Variants in DOCK5 observed in about 807,000 individuals in gnomAD.
DOCK5 encodes the protein dedicator of cytokinesis 5, also known as dedicator of cytokinesis protein 5.
A neutral mutation model predicts 251.8 loss-of-function variants in DOCK5; 142 were observed. The ratio of observed to expected loss-of-function variants is 0.56; its 90% CI spans 0.49 to 0.65. DOCK5 has a LOEUF of 0.65. DOCK5 is among the 30% of genes least tolerant of loss of function. DOCK5 has a pLI of 0.00. For synonymous variants in DOCK5, 842 were observed against 835.5 expected (o/e 1.01, Z -0.13); for missense variants, 2,111 against 2,312.3 (o/e 0.91, Z 1.79).
chr8:25,238,585 T>C (rs1162262906), intron 1 of DOCK5, among the ~76,000 whole-genome samples: 1 of 152,240 alleles, frequency 6.6e-6, no homozygotes, highest in African/African-American at 2.4e-5. Flanking sequence ...GATGTGCTTC[T>C]AACATGAATC....
intron 34 of DOCK5, among the ~76,000 whole-genome samples, chr8:25,370,179 C>T (rs1437925793): frequency 6.6e-6 from 1 of 152,218 alleles, no homozygotes; most frequent in Admixed American, 6.5e-5. Context: ...CCCACCACCA[C>T]ACTCACCTAT....
In DOCK5 at chr8:25,414,902, G is replaced by A. The variant is rs1171430416; in HGVS notation, c.*3604G>A. ...CAAGTCAATTTGTAGTCAGTCCCTG[G>A]GCCTGTCTTTTTTTTTTTTTAATTT... is the stretch of plus-strand genomic sequence containing the variant. On this transcript the variant is annotated 3_prime_UTR_variant, in exon 52 of 52. Transcript: ENST00000276440. 5.9e-5 allele frequency: 1 copy of A among 16,830 alleles called. No individual in the cohort carries two copies. Among genetic ancestry groups the A allele is most frequent in the African/African-American group, 1.3e-4 (1 of 7,520 alleles). 1.0% of individuals were successfully genotyped at this position (16,830 alleles called of 1,614,324 possible). A position where few individuals can be genotyped will look rare whatever the true frequency, so the allele number is the denominator to read the frequency against.
At chr8:25,262,415 G>A (rs1408827916) in intron 2 of DOCK5, among the ~76,000 whole-genome samples, 1 of 152,210 alleles carries the variant, frequency 6.6e-6, no homozygotes, top group Admixed American at 6.5e-5. Context: ...AAGTTCTCCT[G>A]TGTCCCTTTT....
At chr8:25,278,986 C>T (rs1306301690) in intron 5 of DOCK5, among the ~76,000 whole-genome samples, 1 of 152,192 alleles carries the variant, frequency 6.6e-6, no homozygotes, top group Non-Finnish European at 1.5e-5. Context: ...TGAATCCTCA[C>T]AACATTCCTA....
intron 6 of DOCK5, among the ~76,000 whole-genome samples, chr8:25,295,201 G>T (rs888735525): frequency 6.6e-6 from 1 of 152,102 alleles, no homozygotes; most frequent in African/African-American, 2.4e-5. Context: ...CACTTTGGGA[G>T]ACCGAAGTGG....
In DOCK5 at chr8:25,187,913, T is replaced by A. The variant is rs137992928; in HGVS notation, c.43+2962T>A. 2.0e-3 allele frequency among the ~76,000 whole-genome samples: 306 copies of A among 152,274 alleles called. 2 individuals are homozygous for A. Among genetic ancestry groups the A allele is most frequent in the African/African-American group, 7.0e-3 (289 of 41,554 alleles). On this transcript the variant is annotated intron_variant, in intron 1 of 51. Transcript: ENST00000276440. ...TACTCCCTTCTTCAAATTTGCTATT[T>A]GTCAGACTGTCCCAAACCTCCTTGC...
intron 10 of DOCK5, 86 bp from the exon 11 acceptor site, chr8:25,304,169 A>G: frequency 8.8e-7 from 1 of 1,130,172 alleles, no homozygotes; most frequent in South Asian, 1.6e-5. Context: ...GCAGTGTTTG[A>G]TGTTTGCTGA....
Position 25,412,850 on chromosome 8 carries a change from C to A in DOCK5, c.*1552C>A, listed in dbSNP as rs1801654901. On this transcript the variant is annotated 3_prime_UTR_variant, in exon 52 of 52. Coordinates refer to ENST00000276440, the MANE Select transcript of DOCK5 (RefSeq NM_024940.8). ...CTTTCAGGAGAGAACTACACCAGTT[C>A]ATCATGAGGGTCAGGGAAGCAAAAG... 1 of 152,176 alleles carries A rather than the reference C, an allele frequency of 6.6e-6. No homozygotes were observed. The allele number at this position is 152,176 out of a possible 1,614,324, so 9.4% of individuals were successfully genotyped here. A position where few individuals can be genotyped will look rare whatever the true frequency, so the allele number is the denominator to read the frequency against.
At chr8:25,269,136 C>G (rs745812737) in intron 3 of DOCK5, among the ~76,000 whole-genome samples, 2 of 152,190 alleles carry the variant, frequency 1.3e-5, no homozygotes, top group Non-Finnish European at 2.9e-5. Context: ...TGCTTCCTGT[C>G]CCTCAAGTTA....
chr8:25,203,499 G>A (rs958784804), intron 1 of DOCK5, among the ~76,000 whole-genome samples: 3 of 152,174 alleles, frequency 2.0e-5, no homozygotes, highest in Non-Finnish European at 2.9e-5. Flanking sequence ...TTTTGAATCC[G>A]TCTTATATTT....
chr8:25,213,364 CAAAAAAAAAAA>C (rs34974024), intron 1 of DOCK5, among the ~76,000 whole-genome samples: 9 of 74,626 alleles, frequency 1.2e-4, no homozygotes, highest in African/African-American at 3.6e-4. Context: ...ATGAATGTAG[CAAAAAAAAAAA>C]AAAAAAAAAG....
In DOCK5 at chr8:25,382,925, G is replaced by A. The variant is rs962336266; in HGVS notation, c.4131+147G>A. On this transcript the variant is annotated intron_variant, in intron 40 of 51. Coordinates refer to ENST00000276440, the MANE Select transcript of DOCK5 (RefSeq NM_024940.8). Reference sequence around the variant, plus strand: ...GAGGGAAACCACTTCCTGAGCAGCCGGCCTCTTCACCCCACACCCCCGGAC... The same window carrying A: ...GAGGGAAACCACTTCCTGAGCAGCCAGCCTCTTCACCCCACACCCCCGGAC... The A allele has an allele frequency of 2.5e-5, 16 of 636,462 alleles. No homozygotes were observed. In the African/African-American group the frequency reaches 2.6e-4, roughly 10 times the overall value. The allele number at this position is 636,462 out of a possible 1,614,324, so 39.4% of individuals were successfully genotyped here. A position where few individuals can be genotyped will look rare whatever the true frequency, so the allele number is the denominator to read the frequency against.
rs907535404 is a variant in DOCK5 at position 25,203,549 on chromosome 8, G to A, written c.43+18598G>A. Among the ~76,000 whole-genome samples, 4 of 152,216 alleles carry A rather than the reference G, an allele frequency of 2.6e-5. No homozygotes were observed. In the East Asian group the frequency reaches 5.8e-4, roughly 22 times the overall value. On this transcript the variant is annotated intron_variant, in intron 1 of 51. Coordinates refer to ENST00000276440, the MANE Select transcript of DOCK5 (RefSeq NM_024940.8). The stretch of plus-strand genomic sequence containing the variant: ...GAAATGGGTATACTTGCTCAGTTCC[G>A]ATTCTGACAACATGACTTATTTCAA...
intron 13 of DOCK5, among the ~76,000 whole-genome samples, chr8:25,312,784 G>T (rs1805137641): frequency 8.2e-6 from 1 of 121,868 alleles, no homozygotes; most frequent in South Asian, 2.6e-4. Flanking sequence ...AAAAAAATTA[G>T]CTGGGAGTGG....
intron 27 of DOCK5, among the ~76,000 whole-genome samples, chr8:25,353,344 TATAAA>T (rs992456643): frequency 2.0e-5 from 3 of 151,920 alleles, no homozygotes; most frequent in Admixed American, 6.6e-5. Flanking sequence ...TGTTTCAAAA[TATAAA>T]ATAAAACAAA....
At chr8:25,397,120 G>A (rs947065349) in intron 45 of DOCK5, among the ~76,000 whole-genome samples, 6 of 151,962 alleles carry the variant, frequency 3.9e-5, no homozygotes, top group African/African-American at 1.5e-4. Context: ...TACTGGAGAG[G>A]CTGAGGCATT....
intron 2 of DOCK5, among the ~76,000 whole-genome samples, chr8:25,247,899 G>A (rs538235277): frequency 2.6e-5 from 4 of 152,230 alleles, no homozygotes; most frequent in African/African-American, 9.6e-5. Flanking sequence ...ATGGTGATCC[G>A]GATGCTGTAG....
Position 25,308,775 on chromosome 8 carries a change from T to C in DOCK5, c.1050-8T>C. The stretch of plus-strand genomic sequence containing the variant: ...CTCCCACCTTACCTCTTATTTCTCT[T>C]TCCCAAGAATTGCGATGGAAACCTA... On this transcript the variant is annotated splice_polypyrimidine_tract_variant and splice_region_variant and intron_variant, in intron 11 of 51. Coordinates refer to ENST00000276440, the MANE Select transcript of DOCK5 (RefSeq NM_024940.8). 6.2e-7 allele frequency: 1 copy of C among 1,613,366 alleles called. No homozygotes were observed. Among genetic ancestry groups the C allele is most frequent in the Non-Finnish European group, 8.5e-7 (1 of 1,179,338 alleles).
At chr8:25,331,182 A>T (rs1805673198) in intron 18 of DOCK5, among the ~76,000 whole-genome samples, 1 of 151,880 alleles carries the variant, frequency 6.6e-6, no homozygotes, top group Non-Finnish European at 1.5e-5. Flanking sequence ...TGATGTACTA[A>T]ACTAGGTGAT....
Sources: allele counts gnomAD v4.1 joint callset (sites outside exome capture counted in the v4.1 genomes callset), GRCh38; gene constraint gnomAD v4.1.1; transcripts MANE v1.5; gene names NCBI Gene and HGNC (gene_info 2026-07-23, HGNC 2026-07-21).